PPP1R1C: variants seen among roughly 807,000 people sequenced by gnomAD.
PPP1R1C encodes the protein protein phosphatase 1 regulatory subunit 1C.
PPP1R1C carries 15 observed loss-of-function variants against 17.4 expected under a neutral mutation model. That is an observed-to-expected ratio of 0.86 (90% CI 0.58 to 1.33). The LOEUF (loss-of-function observed/expected upper bound fraction) is 1.33. Among genes scored for constraint, PPP1R1C ranks in the 40% most tolerant of loss-of-function variants. PPP1R1C has a pLI of 0.00. For missense variants in PPP1R1C, 143 were observed against 130.0 expected, an observed-to-expected ratio of 1.10 and a Z score of -0.48; for synonymous variants, 35 against 43.1, an observed-to-expected ratio of 0.81 and a Z score of 0.73.
intron 4 of PPP1R1C, among the ~76,000 whole-genome samples, chr2:182,116,939 A>G (rs1368062008): frequency 6.6e-6 from 1 of 152,158 alleles, no homozygotes; most frequent in East Asian, 1.9e-4. Context: ...TTTAGTTAAC[A>G]GGTTTTTAAT....
chr2:181,963,967 C>G (rs1225126685), intron 1 of PPP1R1C, among the ~76,000 whole-genome samples: 1 of 151,978 alleles, frequency 6.6e-6, no homozygotes, highest in Non-Finnish European at 1.5e-5. Context: ...AGAAACAATT[C>G]AATTATAACT....
At chr2:182,052,490 T>C (rs1001492106) in intron 2 of PPP1R1C, among the ~76,000 whole-genome samples, 21 of 152,224 alleles carry the variant, frequency 1.4e-4, no homozygotes, top group African/African-American at 4.8e-4. Context: ...GTGTGTCATA[T>C]CATCCCACAC....
chr2:182,065,171 A>G (rs1379917147), intron 4 of PPP1R1C, among the ~76,000 whole-genome samples: 6 of 152,134 alleles, frequency 3.9e-5, no homozygotes, highest in Admixed American at 1.3e-4. Flanking sequence ...TACTCATTTA[A>G]TGATAATCAT....
At chr2:182,120,453 A>C (rs879273783), downstream of PPP1R1C, among the ~76,000 whole-genome samples, 10 of 152,368 alleles carry the variant, frequency 6.6e-5, no homozygotes, top group Admixed American at 1.3e-4. Context: ...AAATAGATGC[A>C]ATAAAAAATG....
At chr2:182,054,407 A>G (rs1359794819) in intron 2 of PPP1R1C, among the ~76,000 whole-genome samples, 2 of 151,588 alleles carry the variant, frequency 1.3e-5, no homozygotes, top group East Asian at 1.9e-4. Context: ...CACCACAAAG[A>G]TCTCCCTCTT....
chr2:182,050,049 GTTTTC>G (rs548834010), intron 2 of PPP1R1C, among the ~76,000 whole-genome samples: 2 of 152,278 alleles, frequency 1.3e-5, no homozygotes, highest in South Asian at 4.1e-4. Context: ...GCTCTCTGTA[GTTTTC>G]TTTGCTTTGT....
intron 2 of PPP1R1C, among the ~76,000 whole-genome samples, chr2:182,007,894 C>G (rs1229057090): frequency 6.6e-6 from 1 of 152,104 alleles, no homozygotes; most frequent in African/African-American, 2.4e-5. Flanking sequence ...AACCCCGTCT[C>G]TGCTAAAAAT....
intron 2 of PPP1R1C, among the ~76,000 whole-genome samples, chr2:181,990,483 T>G (rs1685445772): frequency 6.6e-6 from 1 of 152,124 alleles, no homozygotes; most frequent in African/African-American, 2.4e-5. Flanking sequence ...GGGATCATAG[T>G]GTTCTTTCTT....
intron 2 of PPP1R1C, among the ~76,000 whole-genome samples, chr2:182,052,597 C>G (rs1225408865): frequency 1.3e-5 from 2 of 152,306 alleles, no homozygotes; most frequent in East Asian, 1.9e-4. Context: ...TCCTCTGACA[C>G]TCACCTGCTT....
At chr2:182,096,658 T>C (rs977222789) in intron 4 of PPP1R1C, among the ~76,000 whole-genome samples, 5 of 149,540 alleles carry the variant, frequency 3.3e-5, no homozygotes, top group African/African-American at 7.3e-5. Flanking sequence ...CAGTTTACTT[T>C]ACTGGGATTC....
chr2:181,975,625 T>C (rs1193465209), intron 2 of PPP1R1C, among the ~76,000 whole-genome samples: 1 of 151,868 alleles, frequency 6.6e-6, no homozygotes, highest in Non-Finnish European at 1.5e-5. Flanking sequence ...GAAAACACTC[T>C]CCTGGTTCTT....
Position 181,985,923 on chromosome 2 carries a change from C to A in PPP1R1C, c.-188C>A. 1.6e-6 allele frequency: 1 copy of A among 611,684 alleles called. No homozygotes were observed. The highest frequency in any genetic ancestry group is 2.9e-6 in the Non-Finnish European group (1 of 342,504). The allele number at this position is 611,684 out of a possible 1,614,324, so 37.9% of individuals were successfully genotyped here. On this transcript the variant is annotated 5_prime_UTR_variant, in exon 1 of 5. Coordinates refer to ENST00000682840, the MANE Select transcript of PPP1R1C (RefSeq NM_001080545.3). The surrounding 1 kb of genome is among the most constrained non-coding windows in gnomAD (Gnocchi z 4.1). ...GGGGAACAGGCAAGCCAGGCATCACCGTGGATGTTGAAGAAGGGGGTTACT... is the reference window on the plus strand; with the variant it reads ...GGGGAACAGGCAAGCCAGGCATCACAGTGGATGTTGAAGAAGGGGGTTACT...
chr2:182,053,643 T>C (rs1192605577), intron 2 of PPP1R1C, among the ~76,000 whole-genome samples: 1 of 152,158 alleles, frequency 6.6e-6, no homozygotes, highest in Non-Finnish European at 1.5e-5. Flanking sequence ...TCATTAACTT[T>C]CTTGGCATCT....
chr2:181,974,435 T>C (rs1685062181), intron 1 of PPP1R1C, among the ~76,000 whole-genome samples: 1 of 152,224 alleles, frequency 6.6e-6, no homozygotes, highest in African/African-American at 2.4e-5. Context: ...GTATCTTAAC[T>C]GCACTTTAAT....
chr2:181,989,819 C>A (rs1153748), intron 2 of PPP1R1C, among the ~76,000 whole-genome samples: 121,280 of 152,074 alleles, frequency 0.8, 48,624 homozygotes, highest in East Asian at 1. Context: ...CTGCATCTTC[C>A]TCCCCCTTTA....
At chr2:182,093,948 T>A (rs1199268035) in intron 4 of PPP1R1C, among the ~76,000 whole-genome samples, 1 of 152,174 alleles carries the variant, frequency 6.6e-6, no homozygotes, top group Non-Finnish European at 1.5e-5. Context: ...AGTTCCAAAG[T>A]CTCTTCCACA....
intron 4 of PPP1R1C, among the ~76,000 whole-genome samples, chr2:182,072,608 T>C (rs1688172861): frequency 6.6e-6 from 1 of 152,154 alleles, no homozygotes; most frequent in African/African-American, 2.4e-5. Flanking sequence ...CCTATGAAGT[T>C]TTGTTAGAAT....
In PPP1R1C at chr2:182,063,762, A is replaced by G. The variant is rs1197707948; in HGVS notation, c.212A>G (p.Gln71Arg). ...LQNASPKQRKQSVYTPPTIKG... is the reference protein window; with the variant it reads ...LQNASPKQRKRSVYTPPTIKG... Reference sequence around the variant, plus strand: ...AATGCATCCCCTAAGCAAAGGAAGCAGAGTGTGTACACACCACCCACCATA... The same window carrying G: ...AATGCATCCCCTAAGCAAAGGAAGCGGAGTGTGTACACACCACCCACCATA... Residue 71 changes from glutamine (Q) to arginine (R), a missense_variant, in exon 4 of 5, where the codon CAG (glutamine) becomes CGG (arginine). By Grantham distance (43) the Gln-to-Arg change is conservative. Transcript: ENST00000682840. 4 of 1,612,846 alleles carry G rather than the reference A, an allele frequency of 2.5e-6. No homozygotes were observed. Among genetic ancestry groups the G allele is most frequent in the Non-Finnish European group, 3.4e-6 (4 of 1,179,164 alleles).
chr2:181,983,203 G>T (rs1297751868), upstream of PPP1R1C, among the ~76,000 whole-genome samples: 1 of 152,106 alleles, frequency 6.6e-6, no homozygotes, highest in Non-Finnish European at 1.5e-5. Context: ...ATATTATAGT[G>T]GCCATCATGA....
Sources: allele counts gnomAD v4.1 joint callset (sites outside exome capture counted in the v4.1 genomes callset), GRCh38; gene constraint gnomAD v4.1.1; non-coding constraint Gnocchi (gnomAD v3.1); transcripts MANE v1.5; gene names NCBI Gene and HGNC (gene_info 2026-07-23, HGNC 2026-07-21).